The following CLIC5 variants were observed in gnomAD, a reference collection of about 807,000 sequenced individuals.
The protein encoded by CLIC5 is CLIC family member 5.
A neutral mutation model predicts 24.7 loss-of-function variants in CLIC5; 20 were observed. That is an observed-to-expected ratio of 0.81 (90% CI 0.57 to 1.18). The LOEUF is 1.18. Among genes scored for constraint, CLIC5 ranks in the 50% most tolerant of loss-of-function variants. The pLI is 0.00. For missense variants in CLIC5, 341 were observed against 326.1 expected, an observed-to-expected ratio of 1.05 and a Z score of -0.35; for synonymous variants, 159 against 135.6, an observed-to-expected ratio of 1.17 and a Z score of -1.20.
At chr6:45,906,338 T>A (rs925580928) in intron 5 of CLIC5, among the ~76,000 whole-genome samples, 1 of 152,194 alleles carries the variant, frequency 6.6e-6, no homozygotes, top group Non-Finnish European at 1.5e-5. Flanking sequence ...TTCTTCCAAT[T>A]TATGAGCATG....
At chr6:45,994,152 T>G (rs1158754447) in intron 1 of CLIC5, among the ~76,000 whole-genome samples, 1 of 152,092 alleles carries the variant, frequency 6.6e-6, no homozygotes, top group East Asian at 1.9e-4. Context: ...CAGATGGGAA[T>G]TCAACAGGCT....
intron 1 of CLIC5, among the ~76,000 whole-genome samples, chr6:46,002,317 G>A (rs1766393500): frequency 6.6e-6 from 1 of 152,182 alleles, no homozygotes; most frequent in African/African-American, 2.4e-5. Flanking sequence ...TGGAAGAAGA[G>A]CCGACTGGAA....
the CLIC5 span, among the ~76,000 whole-genome samples, chr6:46,124,544 A>G: frequency 6.6e-6 from 1 of 152,214 alleles, no homozygotes; most frequent in African/African-American, 2.4e-5. Context: ...AAACACCAAA[A>G]GCAACGGCAA....
intron 6 of CLIC5, among the ~76,000 whole-genome samples, chr6:45,891,113 A>C (rs1762343788): frequency 6.6e-6 from 1 of 152,230 alleles, no homozygotes; most frequent in Non-Finnish European, 1.5e-5. Flanking sequence ...ATTTGAGGTG[A>C]TGGATATGCA....
intron 4 of CLIC5, among the ~76,000 whole-genome samples, chr6:45,925,877 C>A (rs9395135): frequency 0.3 from 46,121 of 151,962 alleles, 7,184 homozygotes; most frequent in East Asian, 0.47. Flanking sequence ...CCCACAGAGT[C>A]CCAGCCACTT....
chr6:46,016,785 A>C (rs909911953), upstream of CLIC5, among the ~76,000 whole-genome samples: 5 of 152,180 alleles, frequency 3.3e-5, no homozygotes, highest in African/African-American at 1.2e-4. Context: ...GTCCCAGGGT[A>C]ACCATTATTC....
intron 1 of CLIC5, among the ~76,000 whole-genome samples, chr6:46,014,077 A>C (rs2127444913): frequency 6.6e-6 from 1 of 152,340 alleles, no homozygotes; most frequent in East Asian, 1.9e-4. Context: ...AGGAGCACAC[A>C]GGGGCCACAG....
At chr6:46,125,743 T>C in the CLIC5 span, among the ~76,000 whole-genome samples, 1 of 152,122 alleles carries the variant, frequency 6.6e-6, no homozygotes, top group Admixed American at 6.6e-5. Flanking sequence ...TTTGCTTTCT[T>C]CTCAGGTAGA....
At chr6:46,118,150 T>A in the CLIC5 span, among the ~76,000 whole-genome samples, 1 of 152,270 alleles carries the variant, frequency 6.6e-6, no homozygotes, top group African/African-American at 2.4e-5. Flanking sequence ...GCTCTTGCTG[T>A]CTGTAGCACC....
chr6:46,067,677 C>T (rs552028670), intron 1 of CLIC5, among the ~76,000 whole-genome samples: 13 of 152,120 alleles, frequency 8.5e-5, no homozygotes, highest in African/African-American at 2.2e-4. Context: ...AAGCACTCAG[C>T]GTACTGGCTT....
chr6:46,060,519 A>G (rs1762226683), intron 1 of CLIC5, among the ~76,000 whole-genome samples: 1 of 152,188 alleles, frequency 6.6e-6, no homozygotes, highest in Non-Finnish European at 1.5e-5. Context: ...ACAGCAATCT[A>G]GTGAAAGGTT....
chr6:46,009,538 C>CTCCA (rs1766726228), intron 1 of CLIC5, among the ~76,000 whole-genome samples: 2 of 152,142 alleles, frequency 1.3e-5, no homozygotes, highest in Admixed American at 6.5e-5. Flanking sequence ...TCTCTAGTTC[C>CTCCA]TCCAGTCTTG....
At chr6:46,044,843 A>T (rs1006507712) in intron 1 of CLIC5, among the ~76,000 whole-genome samples, 8 of 152,250 alleles carry the variant, frequency 5.3e-5, no homozygotes, top group Non-Finnish European at 1.0e-4. Context: ...ACAATAGCTC[A>T]AATTCAAAAT....
the CLIC5 span, among the ~76,000 whole-genome samples, chr6:46,114,415 T>C: frequency 6.6e-6 from 1 of 152,194 alleles, no homozygotes; most frequent in Admixed American, 6.5e-5. Flanking sequence ...CCTATACTTA[T>C]TGCACCTGAG....
chr6:46,033,842 A>T (rs1375570068), intron 1 of CLIC5, among the ~76,000 whole-genome samples: 1 of 152,248 alleles, frequency 6.6e-6, no homozygotes, highest in Non-Finnish European at 1.5e-5. Flanking sequence ...ATCAATTTTT[A>T]AAAATCAACA....
chr6:45,956,524 C>T (rs1274486256), intron 1 of CLIC5, among the ~76,000 whole-genome samples: 1 of 150,114 alleles, frequency 6.7e-6, no homozygotes, highest in Non-Finnish European at 1.5e-5. Flanking sequence ...GTTCTCGAAG[C>T]TCAACACACT....
At chr6:45,985,145 C>T (rs1055721439) in intron 1 of CLIC5, among the ~76,000 whole-genome samples, 1 of 152,186 alleles carries the variant, frequency 6.6e-6, no homozygotes, top group African/African-American at 2.4e-5. Context: ...GGAACATCCA[C>T]ATAGAGAGGG....
At chr6:46,037,349 G>T (rs1327660314) in intron 1 of CLIC5, among the ~76,000 whole-genome samples, 1 of 152,140 alleles carries the variant, frequency 6.6e-6, no homozygotes, top group East Asian at 1.9e-4. Flanking sequence ...GGGTGGAAAG[G>T]GCTGAGAGAG....
intron 1 of CLIC5, among the ~76,000 whole-genome samples, chr6:46,063,522 A>T (rs1467951721): frequency 6.6e-6 from 1 of 152,220 alleles, no homozygotes; most frequent in Non-Finnish European, 1.5e-5. Flanking sequence ...AGATCTAAAT[A>T]CCAGAGGAGA....
Sources: gnomAD v4.1 joint callset for allele counts (sites outside exome capture counted in the v4.1 genomes callset) on GRCh38, gnomAD v4.1.1 for gene constraint, MANE v1.5 for transcripts, NCBI Gene and HGNC (gene_info 2026-07-23, HGNC 2026-07-21) for gene names.